Variants in BANF2 observed in about 807,000 individuals in gnomAD.
The protein encoded by BANF2 is BANF family member 2.
In BANF2, 4 loss-of-function variants were observed where a neutral mutation model predicts 8.0. That is an observed-to-expected ratio of 0.50 (90% CI 0.25 to 1.14). The LOEUF is 1.14. BANF2 is among the 50% of genes most tolerant of loss of function. The pLI, the probability that BANF2 is intolerant of heterozygous loss-of-function variation, is 0.16. For missense variants in BANF2, 96 were observed against 107.5 expected, an observed-to-expected ratio of 0.89 and a Z score of 0.47; for synonymous variants, 50 against 40.6, an observed-to-expected ratio of 1.23 and a Z score of -0.88.
At chr20:17,732,209 G>C (rs1030832864) in intron 3 of BANF2, among the ~76,000 whole-genome samples, 1 of 152,372 alleles carries the variant, frequency 6.6e-6, no homozygotes. Flanking sequence ...AGATGCAAGG[G>C]AACCCAACCC....
upstream of BANF2, among the ~76,000 whole-genome samples, chr20:17,696,359 T>G (rs1018550613): frequency 2.0e-5 from 3 of 152,164 alleles, no homozygotes; most frequent in Non-Finnish European, 4.4e-5. Context: ...AATCCTAGCT[T>G]ATAGGGTAGG....
chr20:17,702,446 G>A (rs73264783), intron 1 of BANF2, among the ~76,000 whole-genome samples: 2,859 of 152,308 alleles, frequency 0.019, 84 homozygotes, highest in African/African-American at 0.063. Flanking sequence ...TCCCTTCTGC[G>A]TGGTGCCCTG....
chr20:17,721,839 A>C (rs1430910509), intron 1 of BANF2, among the ~76,000 whole-genome samples: 1 of 152,236 alleles, frequency 6.6e-6, no homozygotes, highest in Admixed American at 6.5e-5. Context: ...GTTTCAGACC[A>C]CATGGGGCAG....
chr20:17,722,524 G>T (rs1358818009), intron 1 of BANF2, among the ~76,000 whole-genome samples, 192 bp from the exon 2 acceptor site: 1 of 152,192 alleles, frequency 6.6e-6, no homozygotes, highest in Non-Finnish European at 1.5e-5. Flanking sequence ...GGGTGCTGAG[G>T]CGTTCTCCTG....
At chr20:17,711,374 T>G (rs536347699) in intron 1 of BANF2, among the ~76,000 whole-genome samples, 38 of 152,382 alleles carry the variant, frequency 2.5e-4, no homozygotes, top group African/African-American at 8.2e-4. Context: ...CTTACCCGTA[T>G]AAAGAAAATA....
At chr20:17,726,744 G>A (rs6105801) in intron 3 of BANF2, among the ~76,000 whole-genome samples, 8 of 152,126 alleles carry the variant, frequency 5.3e-5, no homozygotes, top group Non-Finnish European at 1.0e-4. Flanking sequence ...ATGTCAAACA[G>A]CATTGATTAA....
intron 1 of BANF2, among the ~76,000 whole-genome samples, chr20:17,708,341 A>G (rs957551691): frequency 1.3e-5 from 2 of 152,234 alleles, no homozygotes; most frequent in Admixed American, 6.5e-5. Context: ...AGGAAGGTCC[A>G]TAGCAGGAGA....
rs117927330 is a variant in BANF2, at chr20:17,710,498, C to T, written c.-167+10443C>T. Reference sequence around the variant, plus strand: ...CATACAGAGGCAGGCACGTAGTAGGCGCTCAGCCACCATGAGCCCCCTTAC... The same window carrying T: ...CATACAGAGGCAGGCACGTAGTAGGTGCTCAGCCACCATGAGCCCCCTTAC... On this transcript the variant is annotated intron_variant, in intron 1 of 3. Coordinates refer to ENST00000246090, the MANE Select transcript of BANF2 (RefSeq NM_178477.5). 4.9e-3 allele frequency among the ~76,000 whole-genome samples: 746 copies of T among 152,308 alleles called. 10 individuals carry two copies. Among genetic ancestry groups the T allele is most frequent in the East Asian group, 0.038 (197 of 5,178 alleles).
intron 1 of BANF2, among the ~76,000 whole-genome samples, chr20:17,720,958 G>A (rs1225399071): frequency 6.6e-6 from 1 of 152,168 alleles, no homozygotes; most frequent in African/African-American, 2.4e-5. Flanking sequence ...GACCTGCTGA[G>A]TCAGCACCTG....
intron 1 of BANF2, among the ~76,000 whole-genome samples, chr20:17,703,949 T>C (rs140438751): frequency 6.6e-6 from 1 of 152,154 alleles, no homozygotes; most frequent in Admixed American, 6.5e-5. Flanking sequence ...GATTTCACCA[T>C]GTTGGCCAGG....
At chr20:17,707,382 C>CAAA (rs374719840) in intron 1 of BANF2, among the ~76,000 whole-genome samples, 1 of 142,350 alleles carries the variant, frequency 7.0e-6, no homozygotes, top group African/African-American at 2.7e-5. Context: ...GACTCTGTGT[C>CAAA]AAAAAAAAGA....
At position 17,726,609 on chromosome 20, in the gene BANF2, A is replaced by G. The variant is rs187807840; in HGVS notation, c.126+1458A>G. 2.0e-3 allele frequency among the ~76,000 whole-genome samples: 311 copies of G among 152,364 alleles called. 3 individuals carry two copies. The highest frequency in any genetic ancestry group is 3.5e-3 in the Non-Finnish European group (238 of 68,036). On this transcript the variant is annotated intron_variant, in intron 3 of 3. Transcript: ENST00000246090. ...CACAGATCAATGAATTTTTACACAC[A>G]TATGTACACCTATGTACCCACTACC...
intron 1 of BANF2, among the ~76,000 whole-genome samples, chr20:17,712,803 G>C (rs977861624): frequency 6.6e-6 from 1 of 152,082 alleles, no homozygotes; most frequent in Admixed American, 6.6e-5. Context: ...GGTGTATATT[G>C]AGAGGTTTAG....
At chr20:17,700,458 G>C (rs1294505616) in intron 1 of BANF2, among the ~76,000 whole-genome samples, 1 of 152,170 alleles carries the variant, frequency 6.6e-6, no homozygotes, top group Non-Finnish European at 1.5e-5. Context: ...CACATAGCAG[G>C]ATGAGCAGAG....
intron 3 of BANF2, 102 bp downstream of exon 3, chr20:17,725,253 C>T (rs919590918): frequency 7.1e-7 from 1 of 1,409,098 alleles, no homozygotes; most frequent in Non-Finnish European, 9.8e-7. Flanking sequence ...GAAGGGCCAT[C>T]AGAGAGCAAA....
chr20:17,719,610 T>C (rs78982090), intron 1 of BANF2, among the ~76,000 whole-genome samples: 2,171 of 151,718 alleles, frequency 0.014, 51 homozygotes, highest in African/African-American at 0.05. Context: ...CAACAGAGAG[T>C]AATTCTGCTT....
chr20:17,708,413 T>C (rs2037519733), intron 1 of BANF2, among the ~76,000 whole-genome samples: 1 of 152,218 alleles, frequency 6.6e-6, no homozygotes, highest in Admixed American at 6.5e-5. Flanking sequence ...ATTTGAATGA[T>C]TTCCCAACAT....
intron 1 of BANF2, among the ~76,000 whole-genome samples, chr20:17,713,370 A>G (rs943737929): frequency 1.3e-5 from 2 of 152,162 alleles, no homozygotes; most frequent in African/African-American, 2.4e-5. Flanking sequence ...TTCCACTTCC[A>G]TGAGGCATCT....
At chr20:17,728,272 C>G (rs6111638) in intron 3 of BANF2, among the ~76,000 whole-genome samples, 4,353 of 152,292 alleles carry the variant, frequency 0.029, 188 homozygotes, top group African/African-American at 0.091. Flanking sequence ...GCTCTGCTCT[C>G]TCAGTCCTTT....
Sources: allele counts gnomAD v4.1 joint callset (sites outside exome capture counted in the v4.1 genomes callset), GRCh38; gene constraint gnomAD v4.1.1; transcripts MANE v1.5; gene names NCBI Gene and HGNC (gene_info 2026-07-23, HGNC 2026-07-21).